SPMAP2: variants seen among roughly 807,000 people sequenced by gnomAD.
SPMAP2 encodes sperm microtubule associated protein 2, also known as Theg homolog.
At chr19:366,078 T>C in the SPMAP2 span, among the ~76,000 whole-genome samples, 7 of 151,728 alleles carry the variant, frequency 4.6e-5, no homozygotes, top group Admixed American at 3.9e-4. Context: ...AGGCGGAGCT[T>C]GCAGTGAGCC....
At chr19:371,557 C>G in the SPMAP2 span, among the ~76,000 whole-genome samples, 10 of 152,258 alleles carry the variant, frequency 6.6e-5, no homozygotes, top group African/African-American at 2.4e-4. Context: ...TAAGAGTTCT[C>G]AAGTACAGAG....
the SPMAP2 span, among the ~76,000 whole-genome samples, chr19:369,305 G>A: frequency 2.6e-5 from 4 of 152,300 alleles, no homozygotes; most frequent in East Asian, 7.7e-4. Flanking sequence ...CACTACCACC[G>A]AGTGCTGACC....
chr19:374,357 GC>G, the SPMAP2 span: 1 of 1,614,094 alleles, frequency 6.2e-7, no homozygotes, highest in Non-Finnish European at 8.5e-7. Flanking sequence ...AGCCTCCTCC[GC>G]CTCCTCCTCT....
At chr19:368,107 TG>T in the SPMAP2 span, among the ~76,000 whole-genome samples, 18 of 151,970 alleles carry the variant, frequency 1.2e-4, no homozygotes, top group African/African-American at 4.4e-4. This position sits in a 1 kb window ranked among gnomAD's most constrained non-coding sequence, Gnocchi z 4.1. Context: ...GGCAGCCCTT[TG>T]GGGGGTCGAG....
At chr19:367,333 G>A in the SPMAP2 span, 1 of 1,091,076 alleles carries the variant, frequency 9.2e-7, no homozygotes, top group Admixed American at 3.3e-5. Context: ...AGACAGACTG[G>A]GAAGAAGTTG....
the SPMAP2 span, among the ~76,000 whole-genome samples, chr19:367,747 G>A: frequency 6.6e-6 from 1 of 152,160 alleles, no homozygotes; most frequent in Non-Finnish European, 1.5e-5. Flanking sequence ...GTGCAGGGAT[G>A]TTCCCTGCAG....
the SPMAP2 span, among the ~76,000 whole-genome samples, chr19:366,338 T>C: frequency 6.6e-6 from 1 of 152,130 alleles, no homozygotes. Context: ...CGTGTGTGTG[T>C]TTGTGGTGAG....
chr19:362,516 C>T, the SPMAP2 span: 2 of 1,087,946 alleles, frequency 1.8e-6, no homozygotes, highest in South Asian at 1.8e-5. Flanking sequence ...ACCTGGAATC[C>T]CAGCACTGTG....
chr19:363,084 C>T, the SPMAP2 span, among the ~76,000 whole-genome samples: 8 of 152,192 alleles, frequency 5.3e-5, no homozygotes, highest in South Asian at 4.2e-4. Flanking sequence ...CTGATGGGGG[C>T]GGGGCTGCCT....
the SPMAP2 span, among the ~76,000 whole-genome samples, chr19:368,363 G>A: frequency 1.3e-3 from 205 of 152,076 alleles, no homozygotes; most frequent in Non-Finnish European, 9.9e-4. This position sits in a 1 kb window ranked among gnomAD's most constrained non-coding sequence, Gnocchi z 4.1. Context: ...TCCCGTACAC[G>A]TGTGTAGGAG....
the SPMAP2 span, among the ~76,000 whole-genome samples, chr19:369,731 T>C: frequency 2.0e-5 from 3 of 152,166 alleles, no homozygotes; most frequent in Non-Finnish European, 4.4e-5. Context: ...ATTGTTCTTA[T>C]AGGTTTTGGG....
the SPMAP2 span, among the ~76,000 whole-genome samples, chr19:363,494 A>AT: frequency 2.8e-5 from 4 of 144,820 alleles, no homozygotes; most frequent in South Asian, 2.2e-4. Flanking sequence ...TGCCTGGCCT[A>AT]TTTTTTATTT....
chr19:363,988 A>G, the SPMAP2 span, among the ~76,000 whole-genome samples: 3 of 152,140 alleles, frequency 2.0e-5, no homozygotes, highest in Non-Finnish European at 4.4e-5. Context: ...AGTCATATGC[A>G]CTGCCACATC....
chr19:366,281 G>A, the SPMAP2 span, among the ~76,000 whole-genome samples: 3 of 152,166 alleles, frequency 2.0e-5, no homozygotes, highest in African/African-American at 7.2e-5. Flanking sequence ...AACATGGATG[G>A]ATGTATCCAT....
the SPMAP2 span, among the ~76,000 whole-genome samples, chr19:375,150 G>T: frequency 2.0e-5 from 3 of 152,164 alleles, no homozygotes; most frequent in Non-Finnish European, 4.4e-5. Context: ...CCTTGCTGGG[G>T]ACACTCCAGC....
At chr19:366,380 G>A in the SPMAP2 span, among the ~76,000 whole-genome samples, 1 of 152,186 alleles carries the variant, frequency 6.6e-6, no homozygotes, top group Non-Finnish European at 1.5e-5. Context: ...GTGTATGGAT[G>A]TTTATACTCG....
chr19:362,765 T>TAAAAA, the SPMAP2 span, among the ~76,000 whole-genome samples: 2 of 57,480 alleles, frequency 3.5e-5, no homozygotes, highest in African/African-American at 6.1e-5. Flanking sequence ...GACTCCATCT[T>TAAAAA]AAAAAAAAAA....
the SPMAP2 span, among the ~76,000 whole-genome samples, chr19:372,997 A>G: frequency 6.6e-6 from 1 of 152,224 alleles, no homozygotes; most frequent in Non-Finnish European, 1.5e-5. Context: ...ATACAGATCC[A>G]GGGACCCACA....
At chr19:362,779 A>AG in the SPMAP2 span, among the ~76,000 whole-genome samples, 1 of 151,010 alleles carries the variant, frequency 6.6e-6, no homozygotes, top group Non-Finnish European at 1.5e-5. Context: ...AAAAAAAAAA[A>AG]AAAAAAAAAA....
Sources: gnomAD v4.1 joint callset for allele counts (sites outside exome capture counted in the v4.1 genomes callset) on GRCh38, gnomAD v4.1.1 for gene constraint, Gnocchi (gnomAD v3.1) non-coding constraint, MANE v1.5 for transcripts, NCBI Gene and HGNC (gene_info 2026-07-23, HGNC 2026-07-21) for gene names.